Variants in DEPDC1 observed in about 807,000 individuals in gnomAD.
DEPDC1 encodes DEP domain containing 1.
A neutral mutation model predicts 86.8 loss-of-function variants in DEPDC1; 66 were observed. The observed-to-expected ratio is 0.76, with a 90% CI of 0.62 to 0.93. The LOEUF is 0.93. Ranked by LOEUF, DEPDC1 falls within the 40% of genes least tolerant of loss-of-function variation. DEPDC1 has a pLI of 0.00. For synonymous variants in DEPDC1, 255 were observed against 314.9 expected (o/e 0.81, Z 2.02); for missense variants, 792 against 935.7 (o/e 0.85, Z 2.00).
intron 9 of DEPDC1, 50 bp from the exon 10 acceptor site, chr1:68,479,370 A>G: frequency 7.3e-7 from 1 of 1,363,992 alleles, no homozygotes; most frequent in South Asian, 1.6e-5. Context: ...GTTGCATACA[A>G]ACTAGAATAT....
At position 68,488,623 on chromosome 1, in the gene DEPDC1, T is replaced by C. The variant is rs186549947; in HGVS notation, c.591-119A>G. The C allele has an allele frequency of 4.1e-5, 34 of 833,204 alleles. No individual in the cohort carries two copies. In the East Asian group the frequency reaches 9.0e-4, roughly 22 times the overall value. The allele number at this position is 833,204 out of a possible 1,614,324, so 51.6% of individuals were successfully genotyped here. A position where few individuals can be genotyped will look rare whatever the true frequency, so the allele number is the denominator to read the frequency against. ...TTTTTAACCAAATTTCTAAGACTTA[T>C]ATTTAGTATCCCCTTTCAAATACAT... On this transcript the variant is annotated intron_variant, in intron 4 of 11. Transcript: ENST00000456315.
chr1:68,481,087 T>A (rs3790478), intron 9 of DEPDC1, among the ~76,000 whole-genome samples: 10,983 of 151,934 alleles, frequency 0.072, 529 homozygotes, highest in African/African-American at 0.14. Context: ...ACAGTTATAG[T>A]CTCCTTAGGC....
chr1:68,494,592 T>C lies in DEPDC1; in HGVS notation c.152A>G (p.Asp51Gly). ...ATTTCTTAATAGGTCATAAAGCCAATCCACTGCTTCTCCTGCTGTGAAACA... is the reference window on the plus strand; with the variant it reads ...ATTTCTTAATAGGTCATAAAGCCAACCCACTGCTTCTCCTGCTGTGAAACA... ...GNCFTAGEAV[D>G]WLYDLLRNNS... Residue 51 changes from aspartate (D) to glycine (G), a missense_variant, in exon 2 of 12, where the codon GAT becomes GGT. By Grantham distance (94) the Asp-to-Gly change is moderately conservative (BLOSUM62 -1). Transcript: ENST00000456315. 6.2e-7 allele frequency: 1 copy of C among 1,613,806 alleles called. No individual in the cohort carries two copies. The highest frequency in any genetic ancestry group is 1.1e-5 in the South Asian group (1 of 91,072).
rs1364004365 is a variant in DEPDC1, at chr1:68,486,991, A to G, written c.722-7T>C. 1 of 1,594,892 alleles carries G rather than the reference A, an allele frequency of 6.3e-7. No individual in the cohort carries two copies. The highest frequency in any genetic ancestry group is 8.5e-7 in the Non-Finnish European group (1 of 1,173,652). On this transcript the variant is annotated splice_region_variant and splice_polypyrimidine_tract_variant and intron_variant, in intron 5 of 11. Coordinates refer to ENST00000456315, the MANE Select transcript of DEPDC1 (RefSeq NM_001114120.3). ...ACCCAGTGAGGGAGGTCATCTACACAAAAAGAAAAATATTACTAAGTAAAC... is the reference window on the plus strand; with the variant it reads ...ACCCAGTGAGGGAGGTCATCTACACGAAAAGAAAAATATTACTAAGTAAAC...
rs576616183 is a variant in DEPDC1, at chr1:68,474,679, C to T, written c.*2253G>A. 10 of 151,974 alleles carry T rather than the reference C, an allele frequency of 6.6e-5. No homozygotes were observed. Among genetic ancestry groups the T allele is most frequent in the Non-Finnish European group, 1.3e-4 (9 of 67,948 alleles). The allele number at this position is 151,974 out of a possible 1,614,324, so 9.4% of individuals were successfully genotyped here. A position where few individuals can be genotyped will look rare whatever the true frequency, so the allele number is the denominator to read the frequency against. On this transcript the variant is annotated 3_prime_UTR_variant, in exon 12 of 12. Transcript: ENST00000456315. ...GAGAAAGCAACTACCACCAAATCTA[C>T]CAGTCAACTCATCTATATTTGAACT... is the stretch of plus-strand genomic sequence containing the variant.
At chr1:68,484,945 T>TATAC (rs1424342018) in intron 6 of DEPDC1, among the ~76,000 whole-genome samples, 1 of 150,838 alleles carries the variant, frequency 6.6e-6, no homozygotes, top group African/African-American at 2.4e-5. Flanking sequence ...GGCATATATA[T>TATAC]ATATATATAT....
intron 10 of DEPDC1, among the ~76,000 whole-genome samples, chr1:68,478,794 C>G (rs1646134274): frequency 6.6e-6 from 1 of 152,022 alleles, no homozygotes; most frequent in African/African-American, 2.4e-5. Flanking sequence ...GCATATTTAA[C>G]CTCAACTATG....
At chr1:68,489,396 T>C in intron 3 of DEPDC1, 56 bp downstream of exon 3, 15 of 1,215,204 alleles carry the variant, frequency 1.2e-5, no homozygotes, top group Non-Finnish European at 1.7e-5. Flanking sequence ...AATGATTCTA[T>C]CATTGAGTAC....
intron 6 of DEPDC1, 96 bp downstream of exon 6, chr1:68,486,839 CTT>C: frequency 8.2e-7 from 1 of 1,226,792 alleles, no homozygotes; most frequent in Non-Finnish European, 1.1e-6. Context: ...TTTATCAGGA[CTT>C]TATTAAATTT....
rs763041774 is a variant in DEPDC1 at position 68,476,614 on chromosome 1, T to C, written c.*318A>G. ...ATAAATTTTCTTTTAAGAACAGAAT[T>C]ATAGTTTAATCCCTAACACAGCTCA... On this transcript the variant is annotated 3_prime_UTR_variant, in exon 12 of 12. Transcript: ENST00000456315. The C allele has an allele frequency of 2.2e-5, 4 of 182,348 alleles. No individual in the cohort carries two copies. Among genetic ancestry groups the C allele is most frequent in the Non-Finnish European group, 4.5e-5 (4 of 88,350 alleles). The allele number at this position is 182,348 out of a possible 1,614,324, so 11.3% of individuals were successfully genotyped here.
At chr1:68,483,330 C>T (rs142894089) in intron 7 of DEPDC1, 8 of 517,610 alleles carry the variant, frequency 1.5e-5, no homozygotes, top group Middle Eastern at 3.2e-4. Context: ...TCTTTAGTTA[C>T]TCATAACAAG....
chr1:68,488,944 C>T lies in DEPDC1; in HGVS notation c.562G>A (p.Glu188Lys). The T allele has an allele frequency of 6.2e-7, 1 of 1,600,224 alleles. No homozygotes were observed. ...ATCAGAATAACATATCTCCAAACTTCTTCAACATCTTCCTGGCTTAGTTCT... is the reference window on the plus strand; with the variant it reads ...ATCAGAATAACATATCTCCAAACTTTTTCAACATCTTCCTGGCTTAGTTCT... The part of the protein sequence containing the change: ...NRELSQEDVE[E>K]VWRYVILIYL... Residue 188 changes from glutamate to lysine, a missense_variant, in exon 4 of 12, where the codon GAA becomes AAA. Coordinates refer to ENST00000456315, the MANE Select transcript of DEPDC1 (RefSeq NM_001114120.3).
intron 5 of DEPDC1, among the ~76,000 whole-genome samples, chr1:68,487,496 A>AT (rs1163608313): frequency 6.6e-6 from 1 of 151,758 alleles, no homozygotes; most frequent in Non-Finnish European, 1.5e-5. Context: ...GAAATCTAGC[A>AT]TTTTTTTTAC....
At chr1:68,495,123 C>G (rs1235840506) in intron 1 of DEPDC1, among the ~76,000 whole-genome samples, 1 of 145,610 alleles carries the variant, frequency 6.9e-6, no homozygotes, top group East Asian at 1.9e-4. Context: ...GCCTTGGCAA[C>G]AAGAGCAAAA....
At chr1:68,488,163 A>C (rs1340279805) in intron 5 of DEPDC1, among the ~76,000 whole-genome samples, 3 of 151,808 alleles carry the variant, frequency 2.0e-5, no homozygotes, top group Admixed American at 6.6e-5. Flanking sequence ...CCATGCATGA[A>C]TTTATCTTAG....
At position 68,484,098 on chromosome 1, in the gene DEPDC1, G is replaced by A. The variant is rs760582895; in HGVS notation, c.770-8C>T. 6.5e-6 allele frequency: 10 copies of A among 1,531,634 alleles called. No homozygotes were observed. Among genetic ancestry groups the A allele is most frequent in the Non-Finnish European group, 7.8e-6 (9 of 1,146,768 alleles). 94.9% of individuals were successfully genotyped at this position (1,531,634 alleles called of 1,614,324 possible). On this transcript the variant is annotated splice_polypyrimidine_tract_variant and splice_region_variant and intron_variant, in intron 6 of 11. Coordinates refer to ENST00000456315, the MANE Select transcript of DEPDC1 (RefSeq NM_001114120.3). ...TATCATTGCTTCTTGGCCCTAAGAA[G>A]TAGAAGGCAAGAGAAAAAGGTAAAG...
chr1:68,475,657 T>TGGA lies in DEPDC1; in HGVS notation c.*1272_*1274dup, dbSNP rs1553155323. The TGGA allele has an allele frequency of 4.0e-4, 61 of 151,856 alleles. No individual in the cohort carries two copies. Among genetic ancestry groups the TGGA allele is most frequent in the African/African-American group, 1.4e-3 (60 of 41,396 alleles). The allele number at this position is 151,856 out of a possible 1,614,324, so 9.4% of individuals were successfully genotyped here. On this transcript the variant is annotated 3_prime_UTR_variant, in exon 12 of 12. Transcript: ENST00000456315. ...TTAAGGAATAGATATGAAACAATCT[T>TGGA]GGAGTAAAAATTAGAAGGCAACTTG...
intron 6 of DEPDC1, among the ~76,000 whole-genome samples, chr1:68,484,367 G>A (rs2100256171): frequency 6.6e-6 from 1 of 152,072 alleles, no homozygotes; most frequent in Admixed American, 6.5e-5. Flanking sequence ...GGGAAGCTTA[G>A]TTTAATAAGA....
intron 2 of DEPDC1, among the ~76,000 whole-genome samples, chr1:68,492,808 A>C (rs1331208700): frequency 6.6e-6 from 1 of 152,214 alleles, no homozygotes; most frequent in African/African-American, 2.4e-5. Flanking sequence ...GGAGCACAAT[A>C]GACTAAATCA....
Sources: gnomAD v4.1 joint callset for allele counts (sites outside exome capture counted in the v4.1 genomes callset) on GRCh38, gnomAD v4.1.1 for gene constraint, MANE v1.5 for transcripts, NCBI Gene and HGNC (gene_info 2026-07-23, HGNC 2026-07-21) for gene names.